The following ASS1 variants were observed in gnomAD, a reference collection of about 807,000 sequenced individuals.
ASS1 encodes argininosuccinate synthase.
Under a neutral mutation model 60.5 loss-of-function variants are expected in ASS1, and 58 were observed. The observed-to-expected ratio is 0.96, with a 90% CI of 0.78 to 1.19. ASS1 has a LOEUF of 1.19. Among genes scored for constraint, ASS1 ranks in the 50% most tolerant of loss-of-function variants. ASS1 has a pLI of 0.00. For missense variants in ASS1, 454 were observed against 547.3 expected, an observed-to-expected ratio of 0.83 and a Z score of 1.70; for synonymous variants, 200 against 206.9, an observed-to-expected ratio of 0.97 and a Z score of 0.29.
intron 5 of ASS1, among the ~76,000 whole-genome samples, chr9:130,465,054 A>AT (rs1332274615): frequency 0.014 from 1,036 of 71,686 alleles, 6 homozygotes; most frequent in Admixed American, 0.022. Context: ...ATATATATAT[A>AT]TATTTTTTTT....
chr9:130,448,394 C>T (rs1479702178), intron 1 of ASS1, among the ~76,000 whole-genome samples: 1 of 148,292 alleles, frequency 6.7e-6, no homozygotes, highest in African/African-American at 2.5e-5. Context: ...AGGTACGCAC[C>T]CCTGGGTGCA....
intron 8 of ASS1, among the ~76,000 whole-genome samples, chr9:130,472,381 C>T (rs576338483): frequency 1.9e-4 from 29 of 152,274 alleles, no homozygotes; most frequent in African/African-American, 6.3e-4. Flanking sequence ...GCCCGCGTGC[C>T]GCCCCCTGGT....
chr9:130,494,756 T>C lies in ASS1; in HGVS notation c.971-111T>C, dbSNP rs1846537147. On this transcript the variant is annotated intron_variant, in intron 12 of 14. Coordinates refer to ENST00000352480, the MANE Select transcript of ASS1 (RefSeq NM_054012.4). This position sits in a 1 kb window ranked among gnomAD's most constrained non-coding sequence, Gnocchi z 4.3. ...GTGCCAGTCTCGCGGGAGGCAGTCA[T>C]GGTCTGCATGGCGGGGTAAACCATG... 2.1e-6 allele frequency: 3 copies of C among 1,396,686 alleles called. No individual in the cohort carries two copies. Among genetic ancestry groups the C allele is most frequent in the African/African-American group, 1.4e-5 (1 of 70,476 alleles). The allele number at this position is 1,396,686 out of a possible 1,614,324, so 86.5% of individuals were successfully genotyped here. A position where few individuals can be genotyped will look rare whatever the true frequency, so the allele number is the denominator to read the frequency against.
chr9:130,485,316 C>T (rs1168622766), intron 11 of ASS1, among the ~76,000 whole-genome samples: 1 of 152,190 alleles, frequency 6.6e-6, no homozygotes, highest in Admixed American at 6.5e-5. Flanking sequence ...GTTGGAATGT[C>T]AGAGCAGCAG....
intron 1 of ASS1, 174 bp from the exon 2 acceptor site, chr9:130,452,050 G>A: frequency 1.4e-6 from 1 of 700,260 alleles, no homozygotes; most frequent in Non-Finnish European, 2.6e-6. Context: ...CGAGGTCAGG[G>A]TTCCCGGGGG....
intron 9 of ASS1, among the ~76,000 whole-genome samples, chr9:130,479,357 G>A (rs1383413685): frequency 6.6e-6 from 1 of 152,130 alleles, no homozygotes; most frequent in Admixed American, 6.5e-5. Flanking sequence ...GGCGGCCCCC[G>A]GGTGACTGGT....
rs765338121 is a variant in ASS1 at position 130,489,341 on chromosome 9, G to A, written c.847G>A (p.Glu283Lys). The change falls in exon 12 of 15, where the codon GAG becomes AAG. Residue 283 changes from glutamate to lysine, a missense_variant. Physicochemically the swap from Glu to Lys is moderately conservative, Grantham distance 56 (BLOSUM62 1). Transcript: ENST00000352480. The surrounding 1 kb of genome is among the most constrained non-coding windows in gnomAD (Gnocchi z 4.1). ...FIGMKSRGIY[E>K]TPAGTILYHA... ...CCTGGAAAAATGGCTAGGTATCTAC[G>A]AGACCCCAGCAGGCACCATCCTTTA... 1.6e-5 allele frequency: 26 copies of A among 1,612,906 alleles called. No individual in the cohort carries two copies. The highest frequency in any genetic ancestry group is 1.1e-4 in the African/African-American group (8 of 74,554).
At chr9:130,482,327 G>T (rs896390721) in intron 11 of ASS1, among the ~76,000 whole-genome samples, 18 of 121,074 alleles carry the variant, frequency 1.5e-4, no homozygotes, top group African/African-American at 5.7e-4. Flanking sequence ...CAGTGTGGCG[G>T]GGGGTGGGGT....
chr9:130,450,108 C>G (rs779206869), intron 1 of ASS1, among the ~76,000 whole-genome samples: 8 of 152,148 alleles, frequency 5.3e-5, no homozygotes, highest in Non-Finnish European at 1.0e-4. Context: ...CCTTCTGGAG[C>G]AGGGGGCAGG....
At chr9:130,475,344 A>G (rs1040351552) in intron 8 of ASS1, among the ~76,000 whole-genome samples, 3 of 152,194 alleles carry the variant, frequency 2.0e-5, no homozygotes, top group African/African-American at 7.2e-5. Flanking sequence ...TTCATGTCCA[A>G]TTAAAAAATA....
chr9:130,453,315 G>T (rs575930777), intron 2 of ASS1, among the ~76,000 whole-genome samples: 1 of 152,266 alleles, frequency 6.6e-6, no homozygotes, highest in Non-Finnish European at 1.5e-5. Flanking sequence ...AGGAAAGAAG[G>T]TTCTGTTTCC....
At chr9:130,480,124 G>A (rs962718683) in intron 10 of ASS1, among the ~76,000 whole-genome samples, 10 of 152,346 alleles carry the variant, frequency 6.6e-5, no homozygotes, top group Admixed American at 2.6e-4. Context: ...CGCTAGGCAG[G>A]GCCCCAGGAC....
chr9:130,498,205 C>T (rs1235992127), intron 13 of ASS1, among the ~76,000 whole-genome samples: 4 of 152,174 alleles, frequency 2.6e-5, no homozygotes, highest in Admixed American at 6.5e-5. Flanking sequence ...AGTCAGAGGG[C>T]CAGCCTCAGG....
At position 130,455,797 on chromosome 9, in the gene ASS1, C is replaced by T. The variant is rs939100447; in HGVS notation, c.174+1424C>T. ...CACCAGCCCACCTGCAGGGTCAGAG[C>T]TGATCCCCTCTGTGGGGTGCTTCTG... On this transcript the variant is annotated intron_variant, in intron 3 of 14. Transcript: ENST00000352480. Among the ~76,000 whole-genome samples the T allele has an allele frequency of 4.6e-5, 7 of 152,256 alleles. No homozygotes were observed. The South Asian group carries it at 6.2e-4, about 13-fold the overall frequency.
At chr9:130,481,319 T>C (rs1159829640) in intron 11 of ASS1, among the ~76,000 whole-genome samples, 6 of 152,174 alleles carry the variant, frequency 3.9e-5, no homozygotes, top group Non-Finnish European at 5.9e-5. Flanking sequence ...GTTTCAGCAG[T>C]TGCAGCCCCT....
chr9:130,482,621 G>C (rs547180798), intron 11 of ASS1, among the ~76,000 whole-genome samples: 1 of 152,276 alleles, frequency 6.6e-6, no homozygotes, highest in South Asian at 2.1e-4. Context: ...TGAACTGAAG[G>C]AGGTGGTTAG....
At chr9:130,500,861 A>T in intron 14 of ASS1, 115 bp from the exon 15 acceptor site, 1 of 1,124,804 alleles carries the variant, frequency 8.9e-7, no homozygotes, top group Non-Finnish European at 1.3e-6. Flanking sequence ...GCAACTTCAC[A>T]CACATCTTAA....
chr9:130,497,129 C>T lies in ASS1; in HGVS notation c.1127+2106C>T, dbSNP rs1188625415. Among the ~76,000 whole-genome samples, 17 of 152,310 alleles carry T rather than the reference C, an allele frequency of 1.1e-4. 1 individual carries two copies. Among genetic ancestry groups the T allele is most frequent in the South Asian group, 6.2e-4 (3 of 4,824 alleles). On this transcript the variant is annotated intron_variant, in intron 13 of 14. Transcript: ENST00000352480. ...CTCTCTCTGGCTCTTTCTTCCCTCCCCCTCCAAATCAACAGCCTCTAATAA... is the reference window on the plus strand; with the variant it reads ...CTCTCTCTGGCTCTTTCTTCCCTCCTCCTCCAAATCAACAGCCTCTAATAA...
rs1362546040 is a variant in ASS1, at chr9:130,494,390, G to A, written c.971-477G>A. 6.6e-6 allele frequency among the ~76,000 whole-genome samples: 1 copy of A among 152,208 alleles called. No homozygotes were observed. The highest frequency in any genetic ancestry group is 2.4e-5 in the African/African-American group (1 of 41,458). On this transcript the variant is annotated intron_variant, in intron 12 of 14. Transcript: ENST00000352480. The surrounding 1 kb of genome is among the most constrained non-coding windows in gnomAD (Gnocchi z 4.3). ...CACAGAGAGGGGAAGGCTATGCATG[G>A]CCATGGTCTGAACCACCACCCAGCT...
Sources: allele counts gnomAD v4.1 joint callset (sites outside exome capture counted in the v4.1 genomes callset), GRCh38; gene constraint gnomAD v4.1.1; non-coding constraint Gnocchi (gnomAD v3.1); transcripts MANE v1.5; gene names NCBI Gene and HGNC (gene_info 2026-07-23, HGNC 2026-07-21).